The following SPIRE2 variants were observed in gnomAD, a reference collection of about 807,000 sequenced individuals.
SPIRE2 encodes protein spire homolog 2.
Under a neutral mutation model 80.7 loss-of-function variants are expected in SPIRE2, and 76 were observed. The ratio of observed to expected loss-of-function variants is 0.94; its 90% CI spans 0.78 to 1.14. The LOEUF (loss-of-function observed/expected upper bound fraction) is 1.14. SPIRE2 is among the 50% of genes most tolerant of loss of function. The pLI, the probability that SPIRE2 is intolerant of heterozygous loss-of-function variation, is 0.00. For missense variants in SPIRE2, 1,196 were observed against 1,015.3 expected, an observed-to-expected ratio of 1.18 and a Z score of -2.42; for synonymous variants, 535 against 432.6, an observed-to-expected ratio of 1.24 and a Z score of -2.94.
At chr16:89,850,815 C>T (rs892971054) in intron 3 of SPIRE2, among the ~76,000 whole-genome samples, 155 bp downstream of exon 3, 1 of 151,640 alleles carries the variant, frequency 6.6e-6, no homozygotes, top group African/African-American at 2.4e-5. Context: ...TTAATCCTCA[C>T]GCTTTCTTGT....
At chr16:89,869,492 G>T in intron 13 of SPIRE2, 75 bp from the exon 14 acceptor site, 2 of 986,632 alleles carry the variant, frequency 2.0e-6, no homozygotes, top group Non-Finnish European at 1.6e-6. Flanking sequence ...ACTGGGGAGG[G>T]AGGTCCCCTA....
At position 89,868,224 on chromosome 16, in the gene SPIRE2, C is replaced by T. The variant is rs763437882; in HGVS notation, c.1806+8C>T. On this transcript the variant is annotated splice_region_variant and intron_variant, in intron 13 of 14. Coordinates refer to ENST00000378247, the MANE Select transcript of SPIRE2 (RefSeq NM_032451.2). ...ACTTCCTGTAGCATAAAGGTGAGGA[C>T]CATGTGGGATCTCTGGGGTCTGAGC... The T allele has an allele frequency of 4.3e-6, 7 of 1,613,808 alleles. No individual in the cohort carries two copies. Among genetic ancestry groups the T allele is most frequent in the Admixed American group, 3.3e-5 (2 of 59,978 alleles).
intron 6 of SPIRE2, 106 bp from the exon 7 acceptor site, chr16:89,856,007 G>C: frequency 6.6e-7 from 1 of 1,520,200 alleles, no homozygotes; most frequent in Non-Finnish European, 8.8e-7. Context: ...GAGTGGGCCC[G>C]TGTCATGGTC....
intron 1 of SPIRE2, among the ~76,000 whole-genome samples, chr16:89,835,700 G>A (rs2041441753): frequency 6.6e-6 from 1 of 152,162 alleles, no homozygotes; most frequent in Non-Finnish European, 1.5e-5. Context: ...GGAGGAAGGC[G>A]GGCTGGAAAC....
At chr16:89,844,672 T>C (rs1005953448) in intron 1 of SPIRE2, among the ~76,000 whole-genome samples, 16 of 152,086 alleles carry the variant, frequency 1.1e-4, no homozygotes, top group Admixed American at 3.9e-4. Context: ...TCTCCTGACG[T>C]TGTGATCCGC....
At chr16:89,862,067 CA>C (rs2041749568) in intron 10 of SPIRE2, 1 of 151,114 alleles carries the variant, frequency 6.6e-6, no homozygotes. Context: ...GCAGTGGCGC[CA>C]TCTCGGCTCA....
chr16:89,836,139 C>T lies in SPIRE2; in HGVS notation c.244+7345C>T, dbSNP rs2041446853. On this transcript the variant is annotated intron_variant, in intron 1 of 14. Coordinates refer to ENST00000378247, the MANE Select transcript of SPIRE2 (RefSeq NM_032451.2). ...GTAGTGAGTCGAGATTGCGCCACTGCCCTCCAGCCTGGGCGACACAGTGAG... is the reference window on the plus strand; with the variant it reads ...GTAGTGAGTCGAGATTGCGCCACTGTCCTCCAGCCTGGGCGACACAGTGAG... 4 of 452,678 alleles carry T rather than the reference C, an allele frequency of 8.8e-6. No homozygotes were observed. In the Admixed American group the frequency reaches 9.4e-5, roughly 11 times the overall value. 28.0% of individuals were successfully genotyped at this position (452,678 alleles called of 1,614,324 possible).
At chr16:89,848,987 G>A (rs923516386) in intron 2 of SPIRE2, among the ~76,000 whole-genome samples, 6 of 141,836 alleles carry the variant, frequency 4.2e-5, no homozygotes, top group Non-Finnish European at 9.7e-5. Context: ...CAGGACAGAC[G>A]AGGCAGGTTC....
In SPIRE2 at chr16:89,870,581, C is replaced by T. The variant is rs2041831460; in HGVS notation, c.*309C>T. ...TTCTAGATCCTGGCACAGACTGCAT[C>T]CCATGTTCCCATGCTCTTCTCCGTC... On this transcript the variant is annotated 3_prime_UTR_variant, in exon 15 of 15. Transcript: ENST00000378247. 1 of 265,546 alleles carries T rather than the reference C, an allele frequency of 3.8e-6. No homozygotes were observed. The highest frequency in any genetic ancestry group is 2.2e-5 in the African/African-American group (1 of 45,746). The allele number at this position is 265,546 out of a possible 1,614,324, so 16.4% of individuals were successfully genotyped here.
intron 12 of SPIRE2, 85 bp from the exon 13 acceptor site, chr16:89,868,104 T>A: frequency 6.9e-7 from 1 of 1,453,012 alleles, no homozygotes; most frequent in Non-Finnish European, 9.7e-7. Context: ...TGACCTCGGA[T>A]GCGTGGAGGC....
intron 12 of SPIRE2, among the ~76,000 whole-genome samples, chr16:89,867,458 T>C (rs2041799624): frequency 6.6e-6 from 1 of 152,090 alleles, no homozygotes; most frequent in Non-Finnish European, 1.5e-5. Context: ...TGTGCAGTTT[T>C]TAAAGACCCT....
At position 89,856,140 on chromosome 16, in the gene SPIRE2, C is replaced by G. The variant is rs1192607472; in HGVS notation, c.1006C>G (p.Pro336Ala). 1 of 1,611,476 alleles carries G rather than the reference C, an allele frequency of 6.2e-7. No homozygotes were observed. The highest frequency in any genetic ancestry group is 1.7e-5 in the Admixed American group (1 of 59,944). Residue 336 changes from proline (P) to alanine (A), a missense_variant, in exon 7 of 15, where the codon CCA (proline) becomes GCA (alanine). By Grantham distance (27) the Pro-to-Ala change is conservative. Coordinates refer to ENST00000378247, the MANE Select transcript of SPIRE2 (RefSeq NM_032451.2). ...QVSERRLRPLPPKQRSLHEKI... is the reference protein window; with the variant it reads ...QVSERRLRPLAPKQRSLHEKI... ...CTCTGAGAGGCGGCTGCGCCCGTTG[C>G]CACCAAAGCAAAGGTCCCTGCATGA...
chr16:89,845,682 C>A, intron 2 of SPIRE2: 1 of 684,246 alleles, frequency 1.5e-6, no homozygotes, highest in South Asian at 1.5e-5. Flanking sequence ...AGACACAGAG[C>A]CGGGGTCAGG....
Position 89,828,694 on chromosome 16 carries a change from C to A in SPIRE2, c.144C>A (p.Cys48Ter). 1.5e-6 allele frequency: 2 copies of A among 1,299,226 alleles called. No homozygotes were observed. Among genetic ancestry groups the A allele is most frequent in the Admixed American group, 3.0e-5 (1 of 33,396 alleles). 80.5% of individuals were successfully genotyped at this position (1,299,226 alleles called of 1,614,324 possible). A position where few individuals can be genotyped will look rare whatever the true frequency, so the allele number is the denominator to read the frequency against. Residue 48 changes from cysteine (C) to a stop codon, truncating the protein, a stop_gained, in exon 1 of 15, where the codon TGC (cysteine) becomes TGA (stop). Coordinates refer to ENST00000378247, the MANE Select transcript of SPIRE2 (RefSeq NM_032451.2). LOFTEE classifies it high-confidence loss of function. This position sits in a 1 kb window ranked among gnomAD's most constrained non-coding sequence, Gnocchi z 5.9. Reference sequence around the variant, plus strand: ...CGTGGGCCGTGTGCTTCCAGGGCTGCCGCGGGCTGCGGGGCTCGCCGGGCC... The same window carrying A: ...CGTGGGCCGTGTGCTTCCAGGGCTGACGCGGGCTGCGGGGCTCGCCGGGCC... The part of the protein sequence containing the change: ...EQAWAVCFQG[C>*]RGLRGSPGRR...
intron 1 of SPIRE2, among the ~76,000 whole-genome samples, chr16:89,842,230 T>TTTTTTTTTTTTTC (rs1190281257): frequency 7.4e-6 from 1 of 134,656 alleles, no homozygotes; most frequent in African/African-American, 3.2e-5. Flanking sequence ...TTTTTTTTTT[T>TTTTTTTTTTTTTC]GTGACGGAGT....
In SPIRE2 at chr16:89,863,379, T is replaced by A; in HGVS notation, c.1576-97T>A. ...CGTTTTAGAAGGTCGCAGGCTTGTT[T>A]AGGCTGAGGCCAGGGAGGGTTAGGG... On this transcript the variant is annotated intron_variant, in intron 10 of 14. Coordinates refer to ENST00000378247, the MANE Select transcript of SPIRE2 (RefSeq NM_032451.2). The surrounding 1 kb of genome is among the most constrained non-coding windows in gnomAD (Gnocchi z 4.3). 7.1e-7 allele frequency: 1 copy of A among 1,418,366 alleles called. No individual in the cohort carries two copies. The highest frequency in any genetic ancestry group is 9.7e-7 in the Non-Finnish European group (1 of 1,034,144). 87.9% of individuals were successfully genotyped at this position (1,418,366 alleles called of 1,614,324 possible).
At chr16:89,869,732 G>A in intron 14 of SPIRE2, 50 bp downstream of exon 14, 1 of 1,451,190 alleles carries the variant, frequency 6.9e-7, no homozygotes, top group Non-Finnish European at 9.7e-7. Flanking sequence ...CGGGCGTGAA[G>A]AGGAACTTGG....
chr16:89,869,584 G>A lies in SPIRE2; in HGVS notation c.1824G>A (p.Lys608=), dbSNP rs765141435. 2 of 1,613,938 alleles carry A rather than the reference G, an allele frequency of 1.2e-6. No individual in the cohort carries two copies. Among genetic ancestry groups the A allele is most frequent in the Non-Finnish European group, 1.7e-6 (2 of 1,179,874 alleles). The change falls in exon 14 of 15, where the codon AAG becomes AAA. Residue 608 remains lysine, a synonymous_variant. Transcript: ENST00000378247. ...SCSIKMKMPS[K]KFGHIPVYTL... is the part of the protein sequence containing the mutation. Reference sequence around the variant, plus strand: ...TGCTGCAGATGAAGATGCCTTCTAAGAAATTTGGACACATCCCTGTCTACA... The same window carrying A: ...TGCTGCAGATGAAGATGCCTTCTAAAAAATTTGGACACATCCCTGTCTACA...
chr16:89,854,818 G>A (rs1440505872), intron 5 of SPIRE2, among the ~76,000 whole-genome samples, 167 bp downstream of exon 5: 1 of 152,158 alleles, frequency 6.6e-6, no homozygotes, highest in Admixed American at 6.5e-5. Context: ...AGGGAGATGT[G>A]GTCCCAATTC....
Sources: allele counts gnomAD v4.1 joint callset (sites outside exome capture counted in the v4.1 genomes callset), GRCh38; gene constraint gnomAD v4.1.1; non-coding constraint Gnocchi (gnomAD v3.1); transcripts MANE v1.5; gene names NCBI Gene and HGNC (gene_info 2026-07-23, HGNC 2026-07-21).